Variants in KCNQ1 observed in about 807,000 individuals in gnomAD.
The protein encoded by KCNQ1 is potassium voltage-gated channel subfamily KQT member 1.
Under a neutral mutation model 72.4 loss-of-function variants are expected in KCNQ1, and 49 were observed. The ratio of observed to expected loss-of-function variants is 0.68; its 90% CI spans 0.54 to 0.86. The LOEUF (loss-of-function observed/expected upper bound fraction) is 0.86. Among genes scored for constraint, KCNQ1 ranks in the 40% least tolerant of loss-of-function variants. The probability of loss-of-function intolerance (pLI) is 0.00; values close to 1 mark genes in which losing one functional copy is unlikely to be tolerated. For missense variants in KCNQ1, 790 were observed against 945.1 expected (o/e 0.84, Z 2.15); for synonymous variants, 450 against 412.6 (o/e 1.09, Z -1.10).
chr11:2,591,313 C>T (rs1319975281), intron 10 of KCNQ1, among the ~76,000 whole-genome samples: 1 of 152,226 alleles, frequency 6.6e-6, no homozygotes, highest in Non-Finnish European at 1.5e-5. Context: ...AGTCAGCAGG[C>T]AAGACCAAGT....
At chr11:2,521,323 G>A (rs79295543) in intron 1 of KCNQ1, among the ~76,000 whole-genome samples, 8,361 of 152,246 alleles carry the variant, frequency 0.055, 283 homozygotes, top group South Asian at 0.098. Context: ...TCCCTGCGAC[G>A]GTGGATTTCG....
rs529200106 is a variant in KCNQ1 at position 2,776,127 on chromosome 11, G to A, written c.1685+73G>A. 1.8e-5 allele frequency: 23 copies of A among 1,298,192 alleles called. No homozygotes were observed. In the East Asian group the frequency reaches 2.8e-4, roughly 16 times the overall value. 80.4% of individuals were successfully genotyped at this position (1,298,192 alleles called of 1,614,324 possible). A position where few individuals can be genotyped will look rare whatever the true frequency, so the allele number is the denominator to read the frequency against. ...GCCCGGCCCCAGCTGCATGATCAGCGGTGCCGGAGGAGGGAGGGGCTGAGA... is the reference window on the plus strand; with the variant it reads ...GCCCGGCCCCAGCTGCATGATCAGCAGTGCCGGAGGAGGGAGGGGCTGAGA... On this transcript the variant is annotated intron_variant, in intron 13 of 15. Transcript: ENST00000155840.
chr11:2,822,866 A>G (rs2134056555), intron 15 of KCNQ1, among the ~76,000 whole-genome samples: 1 of 152,342 alleles, frequency 6.6e-6, no homozygotes, highest in Middle Eastern at 3.4e-3. Flanking sequence ...GGACATTGTG[A>G]AAAAGAAACA....
chr11:2,711,239 C>T lies in KCNQ1; in HGVS notation c.1514+49158C>T, dbSNP rs76334998. Among the ~76,000 whole-genome samples the T allele has an allele frequency of 0.011, 1,645 of 152,304 alleles. 29 individuals carry two copies. Among genetic ancestry groups the T allele is most frequent in the African/African-American group, 0.037 (1,537 of 41,538 alleles). On this transcript the variant is annotated intron_variant, in intron 11 of 15. Transcript: ENST00000155840. The surrounding 1 kb of genome is among the most constrained non-coding windows in gnomAD (Gnocchi z 5.4). Reference sequence around the variant, plus strand: ...TGACAGTGACTGGCAGCCATACTTCCTCCCCATGTACTGGGTTCTGCCCAT... The same window carrying T: ...TGACAGTGACTGGCAGCCATACTTCTTCCCCATGTACTGGGTTCTGCCCAT...
chr11:2,618,387 A>G, intron 10 of KCNQ1: 1 of 398,612 alleles, frequency 2.5e-6, no homozygotes. Context: ...TCCTGGGCTT[A>G]CATGTGGTCT....
rs1057520400 is a variant in KCNQ1 at position 2,445,227 on chromosome 11, C to T, written c.129C>T (p.Gly43=). Residue 43 remains glycine, a synonymous_variant, in exon 1 of 16, where the codon GGC becomes GGT. Coordinates refer to ENST00000155840, the MANE Select transcript of KCNQ1 (RefSeq NM_000218.3). ...KCPFSLELAE[G]GPAGGALYAP... ...CCTTCTCGCTGGAGCTGGCGGAGGG[C>T]GGCCCGGCGGGCGGCGCGCTCTACG... The T allele has an allele frequency of 3.2e-5, 36 of 1,130,944 alleles. No homozygotes were observed. Among genetic ancestry groups the T allele is most frequent in the Non-Finnish European group, 3.8e-5 (35 of 921,836 alleles). The allele number at this position is 1,130,944 out of a possible 1,614,324, so 70.1% of individuals were successfully genotyped here. A position where few individuals can be genotyped will look rare whatever the true frequency, so the allele number is the denominator to read the frequency against.
At chr11:2,714,741 G>C (rs1851061224) in intron 11 of KCNQ1, among the ~76,000 whole-genome samples, 2 of 152,196 alleles carry the variant, frequency 1.3e-5, no homozygotes, top group Admixed American at 6.5e-5. Context: ...TGGGGCCGGG[G>C]TGGTAGGGGT....
At chr11:2,553,551 C>T (rs929071112) in intron 2 of KCNQ1, among the ~76,000 whole-genome samples, 3 of 152,298 alleles carry the variant, frequency 2.0e-5, no homozygotes, top group African/African-American at 7.2e-5. Flanking sequence ...CAATCTCAAT[C>T]AAATTCTTTC....
intron 6 of KCNQ1, among the ~76,000 whole-genome samples, chr11:2,577,077 GC>G (rs1443690572): frequency 6.6e-6 from 1 of 152,210 alleles, no homozygotes; most frequent in African/African-American, 2.4e-5. Flanking sequence ...AATCCCAGAG[GC>G]TGCAACCGAT....
In KCNQ1 at chr11:2,847,812, C is replaced by A; in HGVS notation, c.1840C>A (p.His614Asn). ...GCTGGCACTCATCACCGACATGCTT[C>A]ACCAGCTGCTCTCCTTGCACGGTGG... ...QRLALITDML[H>N]QLLSLHGGST... Residue 614 changes from histidine (H) to asparagine (N), a missense_variant, in exon 16 of 16, where the codon CAC (histidine) becomes AAC (asparagine). Coordinates refer to ENST00000155840, the MANE Select transcript of KCNQ1 (RefSeq NM_000218.3). 6.4e-7 allele frequency: 1 copy of A among 1,570,082 alleles called. No homozygotes were observed. Among genetic ancestry groups the A allele is most frequent in the Non-Finnish European group, 8.6e-7 (1 of 1,157,258 alleles).
Position 2,497,841 on chromosome 11 carries a change from A to C in KCNQ1, c.387-30087A>C, listed in dbSNP as rs1846947595. ...GCTCTTTGAGGCTGATGACCTTTGGATGGGGTTTTTGTGTGGGGGGTCCCT... is the reference window on the plus strand; with the variant it reads ...GCTCTTTGAGGCTGATGACCTTTGGCTGGGGTTTTTGTGTGGGGGGTCCCT... On this transcript the variant is annotated intron_variant, in intron 1 of 15. Transcript: ENST00000155840. The surrounding 1 kb of genome is among the most constrained non-coding windows in gnomAD (Gnocchi z 4.5). Among the ~76,000 whole-genome samples, 1 of 151,828 alleles carries C rather than the reference A, an allele frequency of 6.6e-6. No homozygotes were observed. Among genetic ancestry groups the C allele is most frequent in the African/African-American group, 2.4e-5 (1 of 41,290 alleles).
chr11:2,648,981 C>CTTTTTTTTTTTTTTTTTTTTTTTCTTTTT, intron 10 of KCNQ1: 1 of 213,306 alleles, frequency 4.7e-6, no homozygotes, highest in Non-Finnish European at 7.8e-6. Flanking sequence ...TTTTCTTTTT[C>CTTTTTTTTTTTTTTTTTTTTTTTCTTTTT]TTTTTTTTTT....
At position 2,574,891 on chromosome 11, in the gene KCNQ1, T is replaced by C. The variant is rs576991288; in HGVS notation, c.921+1905T>C. On this transcript the variant is annotated intron_variant, in intron 6 of 15. Transcript: ENST00000155840. The stretch of plus-strand genomic sequence containing the variant: ...CCCGAAGGCCCCAGTGTGGCAGGCC[T>C]GAGCAGGTTTGGGCAGCAGGGCCCA... Among the ~76,000 whole-genome samples, 41 of 152,324 alleles carry C rather than the reference T, an allele frequency of 2.7e-4. 1 individual carries two copies. The highest frequency in any genetic ancestry group is 6.8e-3 in the Middle Eastern group (2 of 294).
chr11:2,756,580 G>A (rs1405462449), intron 11 of KCNQ1, among the ~76,000 whole-genome samples: 1 of 152,012 alleles, frequency 6.6e-6, no homozygotes, highest in Non-Finnish European at 1.5e-5. Context: ...ATACAGTTGG[G>A]GTGGAGCTGT....
intron 2 of KCNQ1, among the ~76,000 whole-genome samples, chr11:2,561,005 A>G (rs1294669846): frequency 1.3e-5 from 2 of 151,868 alleles, no homozygotes; most frequent in African/African-American, 4.8e-5. Context: ...GATCGAGACC[A>G]TCCTGGCTAA....
chr11:2,683,686 C>G lies in KCNQ1; in HGVS notation c.1514+21605C>G, dbSNP rs1850437570. On this transcript the variant is annotated intron_variant, in intron 11 of 15. Coordinates refer to ENST00000155840, the MANE Select transcript of KCNQ1 (RefSeq NM_000218.3). This position sits in a 1 kb window ranked among gnomAD's most constrained non-coding sequence, Gnocchi z 4.7. ...CCCATCTCAATACAACTGTGAAAAG[C>G]CTAGCCTGGGACTCAGGCCTTTCCT... 2 of 398,524 alleles carry G rather than the reference C, an allele frequency of 5.0e-6. No individual in the cohort carries two copies. The highest frequency in any genetic ancestry group is 2.1e-5 in the African/African-American group (1 of 48,634). 24.7% of individuals were successfully genotyped at this position (398,524 alleles called of 1,614,324 possible). A position where few individuals can be genotyped will look rare whatever the true frequency, so the allele number is the denominator to read the frequency against.
intron 15 of KCNQ1, among the ~76,000 whole-genome samples, chr11:2,811,848 A>T (rs1847492314): frequency 6.6e-6 from 1 of 152,136 alleles, no homozygotes; most frequent in Non-Finnish European, 1.5e-5. Flanking sequence ...AGCCTGGAAA[A>T]CGGTGCTCAG....
Position 2,536,699 on chromosome 11 carries a change from A to G in KCNQ1, c.477+8681A>G, listed in dbSNP as rs1336804887. Among the ~76,000 whole-genome samples the G allele has an allele frequency of 6.6e-6, 1 of 152,108 alleles. No individual in the cohort carries two copies. Among genetic ancestry groups the G allele is most frequent in the Non-Finnish European group, 1.5e-5 (1 of 67,998 alleles). On this transcript the variant is annotated intron_variant, in intron 2 of 15. Coordinates refer to ENST00000155840, the MANE Select transcript of KCNQ1 (RefSeq NM_000218.3). This position sits in a 1 kb window ranked among gnomAD's most constrained non-coding sequence, Gnocchi z 7.4. ...GCGTGGCTCTCCCTCCCAGCCTGCC[A>G]GAGGGACCGCTGGGCCTATCTCCAG...
intron 6 of KCNQ1, among the ~76,000 whole-genome samples, chr11:2,577,447 A>G (rs984920053): frequency 3.9e-5 from 6 of 152,142 alleles, no homozygotes; most frequent in Non-Finnish European, 7.4e-5. Context: ...GCCTGGCTGT[A>G]CCTCGGGGAA....
Sources: gnomAD v4.1 joint callset for allele counts (sites outside exome capture counted in the v4.1 genomes callset) on GRCh38, gnomAD v4.1.1 for gene constraint, Gnocchi (gnomAD v3.1) non-coding constraint, MANE v1.5 for transcripts, NCBI Gene and HGNC (gene_info 2026-07-23, HGNC 2026-07-21) for gene names.